The following ASPH variants were observed in gnomAD, a reference collection of about 807,000 sequenced individuals.
ASPH encodes aspartate beta-hydroxylase, also known as aspartyl/asparaginyl beta-hydroxylase.
ASPH carries 100 observed loss-of-function variants against 118.4 expected under a neutral mutation model. The ratio of observed to expected loss-of-function variants is 0.84; its 90% confidence interval spans 0.72 to 1.00. The LOEUF (loss-of-function observed/expected upper bound fraction) is 1.00, where lower values mean the gene tolerates loss of function less well. Ranked by LOEUF, ASPH falls within the 50% of genes least tolerant of loss-of-function variation. The pLI is 0.00. For missense variants in ASPH, 920 were observed against 919.5 expected, an observed-to-expected ratio of 1.00 and a Z score of -0.01; for synonymous variants, 315 against 325.6, an observed-to-expected ratio of 0.97 and a Z score of 0.35.
At position 61,706,525 on chromosome 8, in the gene ASPH, C is replaced by T. The variant is rs564111555; in HGVS notation, c.103+7744G>A. On this transcript the variant is annotated intron_variant, in intron 1 of 24. Coordinates refer to ENST00000379454, the MANE Select transcript of ASPH (RefSeq NM_004318.4). ...GAAAGAAGAAAGAAGAGAAAGCAGG[C>T]CAGCCGGCCAGGTGCATGTATAAGA... is the stretch of plus-strand genomic sequence containing the variant. 2.0e-5 allele frequency among the ~76,000 whole-genome samples: 3 copies of T among 150,208 alleles called. No homozygotes were observed. The East Asian group carries it at 6.0e-4, about 30-fold the overall frequency.
chr8:61,630,801 T>A (rs966368900), intron 13 of ASPH, among the ~76,000 whole-genome samples: 2 of 152,214 alleles, frequency 1.3e-5, no homozygotes, highest in African/African-American at 2.4e-5. Context: ...TTAGACTATA[T>A]TCTTACTTGT....
intron 1 of ASPH, among the ~76,000 whole-genome samples, chr8:61,703,785 T>C (rs571978850): frequency 3.2e-4 from 49 of 151,972 alleles, no homozygotes; most frequent in African/African-American, 9.7e-4. Flanking sequence ...AAAATGTATA[T>C]GGATACACAA....
chr8:61,638,553 A>T (rs1257582446), intron 10 of ASPH, among the ~76,000 whole-genome samples, 190 bp from the exon 11 acceptor site: 1 of 152,160 alleles, frequency 6.6e-6, no homozygotes, highest in Non-Finnish European at 1.5e-5. Flanking sequence ...CTGGATTCTA[A>T]TTCCAGGGCA....
chr8:61,598,839 G>A (rs1380363518), intron 14 of ASPH, among the ~76,000 whole-genome samples: 1 of 152,130 alleles, frequency 6.6e-6, no homozygotes, highest in African/African-American at 2.4e-5. Flanking sequence ...AGTAAGGAGA[G>A]AAACTTCGGA....
At chr8:61,664,590 G>A (rs762121294) in intron 3 of ASPH, 7 of 986,574 alleles carry the variant, frequency 7.1e-6, no homozygotes, top group East Asian at 1.1e-4. Flanking sequence ...AAGCATGCAG[G>A]AGTGAGGGGC....
At chr8:61,701,443 C>A (rs1039497778) in intron 1 of ASPH, among the ~76,000 whole-genome samples, 3 of 152,170 alleles carry the variant, frequency 2.0e-5, no homozygotes, top group Non-Finnish European at 4.4e-5. Context: ...TACTTATTAA[C>A]ACAAATAGTG....
At chr8:61,590,127 A>T (rs1446111579) in intron 14 of ASPH, among the ~76,000 whole-genome samples, 2 of 152,218 alleles carry the variant, frequency 1.3e-5, no homozygotes, top group African/African-American at 4.8e-5. Context: ...GCCATAACAC[A>T]TAAATTTTCT....
chr8:61,603,314 T>C (rs377123177), intron 14 of ASPH, among the ~76,000 whole-genome samples: 114 of 151,838 alleles, frequency 7.5e-4, no homozygotes, highest in African/African-American at 2.5e-3. Context: ...TAAAAATTTA[T>C]AGAGTTTGTT....
At chr8:61,625,246 A>G (rs1219101180) in intron 13 of ASPH, 2 of 985,716 alleles carry the variant, frequency 2.0e-6, no homozygotes, top group South Asian at 4.7e-5. Context: ...GAAAATCTTC[A>G]GTGTAGAAAG....
chr8:61,689,762 T>G, intron 1 of ASPH: 1 of 1,530,824 alleles, frequency 6.5e-7, no homozygotes, highest in South Asian at 1.2e-5. Context: ...AAAGTACTGC[T>G]GGCAGGTTTT....
At chr8:61,707,466 G>C (rs1836970218) in intron 1 of ASPH, among the ~76,000 whole-genome samples, 1 of 152,178 alleles carries the variant, frequency 6.6e-6, no homozygotes, top group African/African-American at 2.4e-5. Flanking sequence ...TGATGGCACA[G>C]AACAAGCTCT....
At chr8:61,685,243 G>C (rs1829987254) in intron 1 of ASPH, among the ~76,000 whole-genome samples, 1 of 152,030 alleles carries the variant, frequency 6.6e-6, no homozygotes, top group South Asian at 2.1e-4. Flanking sequence ...GGTTTCCCCT[G>C]GACTCAAAGG....
At chr8:61,601,016 GATAA>G (rs886548615) in intron 14 of ASPH, among the ~76,000 whole-genome samples, 1 of 151,202 alleles carries the variant, frequency 6.6e-6, no homozygotes, top group Non-Finnish European at 1.5e-5. Context: ...ATTTCATAAC[GATAA>G]ATAAATCAAT....
intron 15 of ASPH, chr8:61,579,020 C>T (rs967051805): frequency 9.5e-5 from 153 of 1,610,324 alleles, no homozygotes; most frequent in Non-Finnish European, 1.1e-4. Context: ...AGGCACAGTA[C>T]GAGGATATTG....
At chr8:61,641,179 T>A (rs985393665) in intron 10 of ASPH, among the ~76,000 whole-genome samples, 2 of 152,222 alleles carry the variant, frequency 1.3e-5, no homozygotes, top group Non-Finnish European at 2.9e-5. Flanking sequence ...TTTGCTAACA[T>A]TTTAAATTAC....
chr8:61,627,081 G>A (rs1853235041), intron 13 of ASPH, among the ~76,000 whole-genome samples: 1 of 151,892 alleles, frequency 6.6e-6, no homozygotes, highest in African/African-American at 2.4e-5. Flanking sequence ...GAATTGTTTG[G>A]GAACAACTAG....
chr8:61,664,987 T>G, intron 3 of ASPH: 2 of 1,185,436 alleles, frequency 1.7e-6, no homozygotes, highest in Non-Finnish European at 2.1e-6. Flanking sequence ...AAATTCATGA[T>G]ACATATACAT....
chr8:61,539,555 T>C (rs1212562330), intron 21 of ASPH, among the ~76,000 whole-genome samples: 2 of 152,090 alleles, frequency 1.3e-5, no homozygotes, highest in Admixed American at 1.3e-4. Flanking sequence ...CCTGAGACCT[T>C]ACTGGGAAGC....
chr8:61,555,923 C>A lies in ASPH; in HGVS notation c.1536+1G>T. 2 of 1,613,294 alleles carry A rather than the reference C, an allele frequency of 1.2e-6. No individual in the cohort carries two copies. The highest frequency in any genetic ancestry group is 8.5e-7 in the Non-Finnish European group (1 of 1,179,448). On this transcript the variant is annotated splice_donor_variant, in intron 19 of 24. Transcript: ENST00000379454. LOFTEE classifies it high-confidence loss of function. ...AGGAGAGGAGAAGCAGTGAGCATTA[C>A]CTTTAAATATGGGATGCTCTCAGCA...
Sources: allele counts gnomAD v4.1 joint callset (sites outside exome capture counted in the v4.1 genomes callset), GRCh38; gene constraint gnomAD v4.1.1; transcripts MANE v1.5; gene names NCBI Gene and HGNC (gene_info 2026-07-23, HGNC 2026-07-21).